The following USP40 variants were observed in gnomAD, a reference collection of about 807,000 sequenced individuals.
USP40 encodes ubiquitin specific peptidase 40.
USP40 carries 143 observed loss-of-function variants against 166.2 expected under a neutral mutation model. The observed-to-expected ratio is 0.86, with a 90% CI of 0.75 to 0.99. USP40 has a LOEUF of 0.99. Among genes scored for constraint, USP40 ranks in the 50% least tolerant of loss-of-function variants. The probability of loss-of-function intolerance (pLI) is 0.00; values close to 1 mark genes in which losing one functional copy is unlikely to be tolerated. For synonymous variants in USP40, 498 were observed against 524.0 expected (o/e 0.95, Z 0.68); for missense variants, 1,444 against 1,479.7 (o/e 0.98, Z 0.40).
chr2:233,550,941 A>G (rs756277901), intron 7 of USP40, among the ~76,000 whole-genome samples: 2 of 152,234 alleles, frequency 1.3e-5, no homozygotes, highest in Non-Finnish European at 2.9e-5. Flanking sequence ...AATGCAGGGT[A>G]AACTTCTAAT....
chr2:233,530,790 A>G (rs2068459016), intron 11 of USP40, among the ~76,000 whole-genome samples: 1 of 152,172 alleles, frequency 6.6e-6, no homozygotes, highest in African/African-American at 2.4e-5. Flanking sequence ...ACTGAGCACA[A>G]TGAAATATAT....
At position 233,475,882 on chromosome 2, in the gene USP40, C is replaced by T. The variant is rs1257774369; in HGVS notation, c.*1510G>A. On this transcript the variant is annotated 3_prime_UTR_variant, in exon 32 of 32. Transcript: ENST00000678225. ...GCTGGGCGCCCAGCTCGTCACGACA[C>T]TTACAGCTCTGGCGTCATCAGAAGC... 6.6e-6 allele frequency: 1 copy of T among 152,430 alleles called. No homozygotes were observed. The highest frequency in any genetic ancestry group is 1.5e-5 in the Non-Finnish European group (1 of 68,072). 9.4% of individuals were successfully genotyped at this position (152,430 alleles called of 1,614,324 possible).
At chr2:233,482,176 A>G (rs1424603588) in intron 30 of USP40, among the ~76,000 whole-genome samples, 1 of 152,186 alleles carries the variant, frequency 6.6e-6, no homozygotes, top group Non-Finnish European at 1.5e-5. Flanking sequence ...TCATATGATA[A>G]GCCAATATTA....
At chr2:233,526,991 ATAT>A (rs1462683136) in intron 13 of USP40, among the ~76,000 whole-genome samples, 5 of 152,244 alleles carry the variant, frequency 3.3e-5, no homozygotes, top group African/African-American at 7.2e-5. Flanking sequence ...TCACTTAAGA[ATAT>A]TATTAATAAA....
chr2:233,499,259 G>A (rs1275132660), intron 22 of USP40, among the ~76,000 whole-genome samples: 2 of 150,898 alleles, frequency 1.3e-5, no homozygotes, highest in Non-Finnish European at 1.5e-5. Flanking sequence ...AACATGTGGT[G>A]TCTAGTTTTC....
At chr2:233,479,436 G>A (rs1348600356) in intron 31 of USP40, among the ~76,000 whole-genome samples, 10 of 152,166 alleles carry the variant, frequency 6.6e-5, no homozygotes, top group East Asian at 1.9e-4. Context: ...AGTGGTGCAC[G>A]CCTGTAGTAC....
intron 7 of USP40, among the ~76,000 whole-genome samples, chr2:233,549,605 C>T (rs2070356434): frequency 1.3e-5 from 2 of 151,398 alleles, no homozygotes; most frequent in South Asian, 4.2e-4. Flanking sequence ...TACCTATTTA[C>T]GCTGCTTTAT....
In USP40 at chr2:233,485,891, G is replaced by C. The variant is rs758298358; in HGVS notation, c.3284C>G (p.Ala1095Gly). ...APALDLVWNA[A>G]QGGTAGSLRQ... ...CAGGGAGCCGGCAGTCCCACCCTGG[G>C]CCGCGTTCCACACCAGGTCCAGGGC... Residue 1095 changes from alanine (A) to glycine (G), a missense_variant, in exon 29 of 32, where the codon GCC (alanine) becomes GGC (glycine). Physicochemically the swap from Ala to Gly is moderately conservative, Grantham distance 60 (BLOSUM62 0). Coordinates refer to ENST00000678225, the MANE Select transcript of USP40 (RefSeq NM_001365479.2). 6 of 1,604,030 alleles carry C rather than the reference G, an allele frequency of 3.7e-6. No homozygotes were observed.
chr2:233,494,953 TA>T (rs2065624616), intron 24 of USP40, among the ~76,000 whole-genome samples: 1 of 29,172 alleles, frequency 3.4e-5, no homozygotes, highest in Non-Finnish European at 6.0e-5. Flanking sequence ...TATATATATA[TA>T]TTTATATATA....
At chr2:233,482,515 A>G (rs2064680428) in intron 30 of USP40, among the ~76,000 whole-genome samples, 1 of 151,944 alleles carries the variant, frequency 6.6e-6, no homozygotes. Context: ...ATCGACGGGC[A>G]TCTGTGTACT....
At chr2:233,554,321 G>C in intron 6 of USP40, 59 bp downstream of exon 6, 2 of 1,472,620 alleles carry the variant, frequency 1.4e-6, no homozygotes, top group Non-Finnish European at 1.8e-6. Context: ...TTTCATACAA[G>C]TTGACTTGTA....
intron 15 of USP40, among the ~76,000 whole-genome samples, chr2:233,523,757 A>G (rs571245200): frequency 2.6e-5 from 4 of 152,154 alleles, no homozygotes; most frequent in Non-Finnish European, 5.9e-5. Context: ...AGATTGGCCA[A>G]GGTCAGTTCA....
intron 12 of USP40, among the ~76,000 whole-genome samples, 151 bp downstream of exon 12, chr2:233,529,274 TACCCTC>T (rs1237239134): frequency 6.6e-6 from 1 of 152,228 alleles, no homozygotes; most frequent in Admixed American, 6.5e-5. Flanking sequence ...GAGTTAAAGT[TACCCTC>T]ACTATAAAAA....
chr2:233,521,327 A>G (rs2067638975), intron 16 of USP40, among the ~76,000 whole-genome samples: 1 of 152,204 alleles, frequency 6.6e-6, no homozygotes, highest in Admixed American at 6.5e-5. Flanking sequence ...TTACCTACAT[A>G]ATTTGTTGCC....
intron 18 of USP40, chr2:233,513,000 A>AT: frequency 6.5e-6 from 1 of 152,872 alleles, no homozygotes; most frequent in Non-Finnish European, 1.5e-5. Context: ...TTATACATGT[A>AT]TTGGGAAAGG....
In USP40 at chr2:233,533,689, CAGACTCAGCCTG is replaced by C. The variant is rs1437903829; in HGVS notation, c.1249_1260del (p.Gln417_Ser420del). On this transcript the variant is annotated inframe_deletion, in exon 11 of 32. Coordinates refer to ENST00000678225, the MANE Select transcript of USP40 (RefSeq NM_001365479.2). ...ATTTGCTGGTCATTCCTTTGGAAAT[CAGACTCAGCCTG>C]GAGAGAACTATTCTTCAAGAGACGA... 6.2e-7 allele frequency: 1 copy of C among 1,613,628 alleles called. No individual in the cohort carries two copies. The highest frequency in any genetic ancestry group is 1.3e-5 in the African/African-American group (1 of 74,984).
intron 11 of USP40, 71 bp from the exon 12 acceptor site, chr2:233,529,583 G>GGT: frequency 9.1e-7 from 1 of 1,094,656 alleles, no homozygotes; most frequent in Non-Finnish European, 1.3e-6. Context: ...GTAGCATGAA[G>GGT]ACTAGGAAGG....
intron 18 of USP40, among the ~76,000 whole-genome samples, chr2:233,518,838 G>A (rs1254484916): frequency 2.6e-5 from 4 of 152,056 alleles, no homozygotes; most frequent in African/African-American, 9.7e-5. Context: ...AAGCACAAAA[G>A]TAGAGACAAT....
At chr2:233,519,755 A>G (rs1257475346) in intron 17 of USP40, 84 bp from the exon 18 acceptor site, 1 of 733,252 alleles carries the variant, frequency 1.4e-6, no homozygotes, top group Non-Finnish European at 2.1e-6. Context: ...TGCATAAACA[A>G]ATTATTTGAG....
Sources: allele counts gnomAD v4.1 joint callset (sites outside exome capture counted in the v4.1 genomes callset), GRCh38; gene constraint gnomAD v4.1.1; transcripts MANE v1.5; gene names NCBI Gene and HGNC (gene_info 2026-07-23, HGNC 2026-07-21).